Variants in EFTUD2 observed in about 807,000 individuals in gnomAD.
The protein encoded by EFTUD2 is elongation factor Tu GTP binding domain containing 2.
A neutral mutation model predicts 114.3 loss-of-function variants in EFTUD2; 9 were observed. That is an observed-to-expected ratio of 0.08 (90% CI 0.05 to 0.14). The LOEUF (loss-of-function observed/expected upper bound fraction) is 0.14. EFTUD2 is among the 10% of genes least tolerant of loss of function. The pLI, the probability that EFTUD2 is intolerant of heterozygous loss-of-function variation, is 1.00. For synonymous variants in EFTUD2, 449 were observed against 462.3 expected (o/e 0.97, Z 0.37); for missense variants, 765 against 1,241.2 (o/e 0.62, Z 5.76).
chr17:44,897,617 T>C (rs2051413894), intron 1 of EFTUD2, among the ~76,000 whole-genome samples: 1 of 152,124 alleles, frequency 6.6e-6, no homozygotes, highest in Non-Finnish European at 1.5e-5. Context: ...TAGGCTGGAG[T>C]GCAGTGGCAC....
intron 2 of EFTUD2, among the ~76,000 whole-genome samples, chr17:44,889,215 C>T (rs563845594): frequency 1.3e-5 from 2 of 152,120 alleles, no homozygotes; most frequent in Admixed American, 6.6e-5. Flanking sequence ...CTTGGGATTT[C>T]GCAAGGCAGA....
intron 15 of EFTUD2, chr17:44,863,199 C>G (rs2050688781): frequency 3.3e-6 from 1 of 302,552 alleles, no homozygotes; most frequent in Non-Finnish European, 6.1e-6. Context: ...ACTTACTGTC[C>G]CAAATTTCCT....
intron 19 of EFTUD2, 68 bp from the exon 20 acceptor site, chr17:44,857,225 G>C: frequency 6.4e-6 from 9 of 1,400,556 alleles, no homozygotes; most frequent in Non-Finnish European, 9.1e-6. Context: ...ATTTACCTAA[G>C]GGAATTCAGA....
At chr17:44,887,096 A>G (rs1289405687) in intron 2 of EFTUD2, among the ~76,000 whole-genome samples, 1 of 152,214 alleles carries the variant, frequency 6.6e-6, no homozygotes, top group East Asian at 1.9e-4. Flanking sequence ...TAAAAACTGA[A>G]GATAAGCCCA....
chr17:44,862,829 C>G lies in EFTUD2; in HGVS notation c.1491G>C (p.Leu497=), dbSNP rs773485121. Residue 497 remains leucine, a synonymous_variant, in exon 16 of 28, where the codon CTG becomes CTC. Transcript: ENST00000426333. ...GVQFHAFGRV[L]SGTIHAGQPV... ...GCTGCCCAGCATGAATGGTGCCACT[C>G]AGCACCCGGCCAAAGGCGTGAAACT... The G allele has an allele frequency of 6.2e-6, 10 of 1,614,222 alleles. No homozygotes were observed. In the South Asian group the frequency reaches 8.8e-5, roughly 14 times the overall value.
At chr17:44,887,563 G>A (rs748513182) in intron 2 of EFTUD2, among the ~76,000 whole-genome samples, 2 of 152,190 alleles carry the variant, frequency 1.3e-5, no homozygotes, top group Non-Finnish European at 2.9e-5. Context: ...ATGATGCTGA[G>A]TAAAGAGGCC....
At position 44,863,890 on chromosome 17, in the gene EFTUD2, T is replaced by C. The variant is rs993021256; in HGVS notation, c.1286-108A>G. On this transcript the variant is annotated intron_variant, in intron 14 of 27. Coordinates refer to ENST00000426333, the MANE Select transcript of EFTUD2 (RefSeq NM_004247.4). ...AAAAAGCTCAAAGTGCGGGGACTGATTGTTAGCTCTAAAAGCTCTGGCACT... is the reference window on the plus strand; with the variant it reads ...AAAAAGCTCAAAGTGCGGGGACTGACTGTTAGCTCTAAAAGCTCTGGCACT... 48 of 1,433,912 alleles carry C rather than the reference T, an allele frequency of 3.3e-5. 2 individuals carry two copies. Among genetic ancestry groups the C allele is most frequent in the East Asian group, 9.6e-5 (4 of 41,704 alleles). 88.8% of individuals were successfully genotyped at this position (1,433,912 alleles called of 1,614,324 possible).
In EFTUD2 at chr17:44,859,030, T is replaced by C. The variant is rs1373800945; in HGVS notation, c.1962+50A>G. On this transcript the variant is annotated intron_variant, in intron 19 of 27. Transcript: ENST00000426333. ...CCCAGGAATTCAAGGATTTGGTCAC[T>C]TGTGAAAAGTCTGGACCGTGAACCC... The C allele has an allele frequency of 4.9e-6, 6 of 1,228,474 alleles. No homozygotes were observed. In the Admixed American group the frequency reaches 6.8e-5, roughly 14 times the overall value. The allele number at this position is 1,228,474 out of a possible 1,614,324, so 76.1% of individuals were successfully genotyped here. A position where few individuals can be genotyped will look rare whatever the true frequency, so the allele number is the denominator to read the frequency against.
Position 44,880,567 on chromosome 17 carries a change from G to A in EFTUD2, c.606C>T (p.Ile202=). 1 of 1,613,490 alleles carries A rather than the reference G, an allele frequency of 6.2e-7. No individual in the cohort carries two copies. The highest frequency in any genetic ancestry group is 2.2e-5 in the East Asian group (1 of 44,868). Residue 202 remains isoleucine (I), a synonymous_variant, in exon 8 of 28, where the codon ATC becomes ATT. Transcript: ENST00000426333. ...AGGATGTCCTACCTGGAGTGTCCAT[G>A]ATATTGAAGAGATAAGATTTTCCTT... ...DTKGKSYLFN[I]MDTPGHVNFS...
intron 11 of EFTUD2, among the ~76,000 whole-genome samples, chr17:44,870,693 A>G (rs2050833138): frequency 6.6e-6 from 1 of 152,112 alleles, no homozygotes; most frequent in South Asian, 2.1e-4. Flanking sequence ...TCTTTGTAAC[A>G]TCTTCTTTTC....
At chr17:44,851,404 G>T in intron 27 of EFTUD2, 35 bp from the exon 28 acceptor site, 1 of 1,550,960 alleles carries the variant, frequency 6.4e-7, no homozygotes, top group Non-Finnish European at 8.9e-7. Flanking sequence ...GAAAGCCCGA[G>T]GTGGTCGCAG....
chr17:44,883,397 G>A (rs1021569729), intron 5 of EFTUD2, among the ~76,000 whole-genome samples: 3 of 152,150 alleles, frequency 2.0e-5, no homozygotes, highest in African/African-American at 7.2e-5. Flanking sequence ...TCAGAGTAAG[G>A]CTCAATTTCC....
At position 44,885,919 on chromosome 17, in the gene EFTUD2, G is replaced by A. The variant is rs139112007; in HGVS notation, c.272-585C>T. 1.3e-3 allele frequency among the ~76,000 whole-genome samples: 196 copies of A among 150,594 alleles called. 2 individuals carry two copies. The highest frequency in any genetic ancestry group is 4.6e-3 in the African/African-American group (190 of 41,182). ...ACTGGGATTACAGGCATGAGCCACC[G>A]CTTCCAGCCTATGAAAACTATTAAA... On this transcript the variant is annotated intron_variant, in intron 3 of 27. Transcript: ENST00000426333.
chr17:44,880,691 G>C, intron 7 of EFTUD2, 47 bp from the exon 8 acceptor site: 3 of 1,504,854 alleles, frequency 2.0e-6, no homozygotes, highest in Non-Finnish European at 2.8e-6. Context: ...TGCAAGAGGG[G>C]TTCATTTTGT....
chr17:44,878,683 G>T lies in EFTUD2; in HGVS notation c.702+873C>A, dbSNP rs117250203. The stretch of plus-strand genomic sequence containing the variant: ...GGAAAATGTACACACCTGTCTCTCT[G>T]TGTGTGTCTGAACGTGTACAGAGAG... On this transcript the variant is annotated intron_variant, in intron 9 of 27. Transcript: ENST00000426333. 7.2e-3 allele frequency among the ~76,000 whole-genome samples: 1,078 copies of T among 149,076 alleles called. 7 individuals are homozygous for T. The highest frequency in any genetic ancestry group is 0.011 in the Admixed American group (166 of 14,974).
At chr17:44,870,140 C>T (rs781369696) in intron 11 of EFTUD2, among the ~76,000 whole-genome samples, 1 of 152,158 alleles carries the variant, frequency 6.6e-6, no homozygotes, top group Non-Finnish European at 1.5e-5. Flanking sequence ...TCCATGATAA[C>T]GCTGCTGCAG....
intron 16 of EFTUD2, among the ~76,000 whole-genome samples, chr17:44,860,748 C>CA (rs1432354809): frequency 3.9e-5 from 6 of 151,940 alleles, no homozygotes; most frequent in Non-Finnish European, 7.4e-5. Flanking sequence ...TACAGGCACA[C>CA]ACTAACATGC....
intron 5 of EFTUD2, chr17:44,883,406 C>T: frequency 1.0e-5 from 6 of 602,294 alleles, no homozygotes; most frequent in Non-Finnish European, 1.8e-5. Flanking sequence ...GGCTCAATTT[C>T]CCATCTTCTG....
chr17:44,856,046 G>A (rs1227721375), intron 20 of EFTUD2, among the ~76,000 whole-genome samples: 2 of 147,878 alleles, frequency 1.4e-5, no homozygotes, highest in African/African-American at 2.5e-5. Context: ...TAGGAGGATC[G>A]CTTGAGCTCG....
Sources: allele counts gnomAD v4.1 joint callset (sites outside exome capture counted in the v4.1 genomes callset), GRCh38; gene constraint gnomAD v4.1.1; transcripts MANE v1.5; gene names NCBI Gene and HGNC (gene_info 2026-07-23, HGNC 2026-07-21).